MAP2K6: variants seen among roughly 807,000 people sequenced by gnomAD.
The protein encoded by MAP2K6 is dual specificity mitogen-activated protein kinase kinase 6.
In MAP2K6, 16 loss-of-function variants were observed where a neutral mutation model predicts 53.7. The ratio of observed to expected loss-of-function variants is 0.30; its 90% confidence interval spans 0.20 to 0.45. The LOEUF (loss-of-function observed/expected upper bound fraction) is 0.45, where lower values mean the gene tolerates loss of function less well. Among genes scored for constraint, MAP2K6 ranks in the 20% least tolerant of loss-of-function variants. The pLI is 1.00. For synonymous variants in MAP2K6, 132 were observed against 143.1 expected, an observed-to-expected ratio of 0.92 and a Z score of 0.55; for missense variants, 204 against 411.9, an observed-to-expected ratio of 0.50 and a Z score of 4.37.
intron 3 of MAP2K6, 34 bp downstream of exon 3, chr17:69,516,937 T>C: frequency 6.6e-7 from 1 of 1,508,806 alleles, no homozygotes; most frequent in Non-Finnish European, 9.2e-7. Context: ...CCTAATACGT[T>C]GGCCATTTTA....
chr17:69,459,709 CAAAAAAAAAA>C (rs71144694), intron 1 of MAP2K6, among the ~76,000 whole-genome samples: 1 of 55,928 alleles, frequency 1.8e-5, no homozygotes, highest in Non-Finnish European at 2.9e-5. Context: ...GACTCTGTCT[CAAAAAAAAAA>C]AAAAAAAAAA....
At chr17:69,441,319 G>T (rs930141993) in intron 1 of MAP2K6, among the ~76,000 whole-genome samples, 2 of 151,762 alleles carry the variant, frequency 1.3e-5, no homozygotes, top group Admixed American at 6.6e-5. Context: ...TTTTTTTCAG[G>T]TCTATTTTCT....
intron 1 of MAP2K6, among the ~76,000 whole-genome samples, chr17:69,421,176 A>G (rs1254003137): frequency 6.6e-6 from 1 of 152,222 alleles, no homozygotes; most frequent in Non-Finnish European, 1.5e-5. Context: ...CCTAAGTTTT[A>G]TGAAAGATTT....
chr17:69,493,625 G>A (rs1439053434), intron 1 of MAP2K6, among the ~76,000 whole-genome samples: 1 of 152,172 alleles, frequency 6.6e-6, no homozygotes, highest in African/African-American at 2.4e-5. Context: ...GCTGGGCATG[G>A]TGGTGTACGT....
chr17:69,480,281 T>C (rs1908305518), intron 1 of MAP2K6, among the ~76,000 whole-genome samples: 1 of 152,170 alleles, frequency 6.6e-6, no homozygotes, highest in African/African-American at 2.4e-5. Flanking sequence ...GCAACCCTTA[T>C]TGCTTGTGGC....
At chr17:69,424,396 T>C (rs1329661512) in intron 1 of MAP2K6, among the ~76,000 whole-genome samples, 2 of 152,234 alleles carry the variant, frequency 1.3e-5, no homozygotes, top group African/African-American at 4.8e-5. Flanking sequence ...TGTGATTCTT[T>C]CTGTGCTCCA....
chr17:69,516,779 C>T, intron 2 of MAP2K6, 76 bp from the exon 3 acceptor site: 4 of 932,422 alleles, frequency 4.3e-6, no homozygotes, highest in Middle Eastern at 2.3e-4. Flanking sequence ...AAAATATCCT[C>T]AGTGGTGTGT....
intron 1 of MAP2K6, among the ~76,000 whole-genome samples, chr17:69,501,472 G>A (rs910728904): frequency 2.0e-5 from 3 of 152,106 alleles, no homozygotes; most frequent in Admixed American, 1.3e-4. Context: ...TCTGTGGCCT[G>A]GTAAATATTT....
chr17:69,501,949 A>G (rs1909194550), intron 1 of MAP2K6, among the ~76,000 whole-genome samples: 1 of 144,722 alleles, frequency 6.9e-6, no homozygotes, highest in South Asian at 2.1e-4. Context: ...ACAGTGTTCA[A>G]TGTTAGCGTC....
chr17:69,503,652 T>C (rs1358446235), intron 1 of MAP2K6, among the ~76,000 whole-genome samples: 2 of 152,178 alleles, frequency 1.3e-5, no homozygotes, highest in Non-Finnish European at 2.9e-5. Context: ...ATTGAAAAAT[T>C]TCATTATACA....
intron 1 of MAP2K6, among the ~76,000 whole-genome samples, chr17:69,424,782 G>A (rs1297690611): frequency 6.6e-6 from 1 of 152,150 alleles, no homozygotes; most frequent in East Asian, 1.9e-4. Context: ...TTTTTGACAT[G>A]TCCCTTTATA....
chr17:69,544,637 T>G lies in MAP2K6; in HGVS notation c.*2884T>G, dbSNP rs945079739. The G allele has an allele frequency of 6.6e-6, 1 of 152,264 alleles. No homozygotes were observed. The highest frequency in any genetic ancestry group is 1.5e-5 in the Non-Finnish European group (1 of 68,050). The allele number at this position is 152,264 out of a possible 1,614,324, so 9.4% of individuals were successfully genotyped here. A position where few individuals can be genotyped will look rare whatever the true frequency, so the allele number is the denominator to read the frequency against. On this transcript the variant is annotated 3_prime_UTR_variant, in exon 12 of 12. Coordinates refer to ENST00000590474, the MANE Select transcript of MAP2K6 (RefSeq NM_002758.4). ...TTATTTCCCCAGATGTATTTGATTT[T>G]GTATCATATAATTGTCCATGTTATA...
chr17:69,447,501 A>G (rs1339982111), intron 1 of MAP2K6, among the ~76,000 whole-genome samples: 1 of 151,450 alleles, frequency 6.6e-6, no homozygotes, highest in African/African-American at 2.4e-5. Flanking sequence ...ACCCGCCACC[A>G]TGCCTCGCTA....
At chr17:69,427,866 T>C (rs1209168089) in intron 1 of MAP2K6, among the ~76,000 whole-genome samples, 4 of 152,216 alleles carry the variant, frequency 2.6e-5, no homozygotes, top group Non-Finnish European at 5.9e-5. Flanking sequence ...AATTCTGAAA[T>C]TGGTTTAAGA....
chr17:69,422,770 A>G (rs1483279547), intron 1 of MAP2K6, among the ~76,000 whole-genome samples: 1 of 152,230 alleles, frequency 6.6e-6, no homozygotes. Flanking sequence ...CAATTTGCCC[A>G]TGGCTGGATA....
rs562799357 is a variant in MAP2K6 at position 69,472,928 on chromosome 17, A to G, written c.17-32852A>G. Among the ~76,000 whole-genome samples, 3 of 152,266 alleles carry G rather than the reference A, an allele frequency of 2.0e-5. 1 individual carries two copies. In the South Asian group the frequency reaches 6.2e-4, roughly 32 times the overall value. ...CACCATGTTTTCCAGGCTGGTCTCGAACTCCTGGACTCAAGTGATCCACAT... is the reference window on the plus strand; with the variant it reads ...CACCATGTTTTCCAGGCTGGTCTCGGACTCCTGGACTCAAGTGATCCACAT... On this transcript the variant is annotated intron_variant, in intron 1 of 11. Transcript: ENST00000590474.
At chr17:69,512,846 A>G (rs1314025012) in intron 2 of MAP2K6, among the ~76,000 whole-genome samples, 1 of 152,222 alleles carries the variant, frequency 6.6e-6, no homozygotes, top group Non-Finnish European at 1.5e-5. Flanking sequence ...ATATTTCTGA[A>G]TCAATGAATA....
At chr17:69,427,533 T>A (rs1906312779) in intron 1 of MAP2K6, among the ~76,000 whole-genome samples, 1 of 152,220 alleles carries the variant, frequency 6.6e-6, no homozygotes, top group East Asian at 1.9e-4. Flanking sequence ...GAGTGACGTA[T>A]AGCTCTGGGG....
At chr17:69,515,658 A>G (rs1222220941) in intron 2 of MAP2K6, among the ~76,000 whole-genome samples, 2 of 152,222 alleles carry the variant, frequency 1.3e-5, no homozygotes, top group Non-Finnish European at 2.9e-5. Context: ...CTGGCTCTTA[A>G]GAAGACCCCA....
Sources: gnomAD v4.1 joint callset for allele counts (sites outside exome capture counted in the v4.1 genomes callset) on GRCh38, gnomAD v4.1.1 for gene constraint, MANE v1.5 for transcripts, NCBI Gene and HGNC (gene_info 2026-07-23, HGNC 2026-07-21) for gene names.